Variants in CADM2 observed in about 807,000 individuals in gnomAD.
CADM2 encodes the protein cell adhesion molecule 2.
CADM2 carries 12 observed loss-of-function variants against 49.8 expected under a neutral mutation model. That is an observed-to-expected ratio of 0.24 (90% CI 0.15 to 0.39). CADM2 has a LOEUF of 0.39. Ranked by LOEUF, CADM2 falls within the 10% of genes least tolerant of loss-of-function variation. The pLI is 1.00. For missense variants in CADM2, 378 were observed against 492.3 expected, an observed-to-expected ratio of 0.77 and a Z score of 2.20; for synonymous variants, 214 against 175.4, an observed-to-expected ratio of 1.22 and a Z score of -1.74.
At chr3:86,000,761 G>T (rs367742500) in intron 8 of CADM2, among the ~76,000 whole-genome samples, 1 of 151,946 alleles carries the variant, frequency 6.6e-6, no homozygotes, top group Non-Finnish European at 1.5e-5. Context: ...TCACAAAAAT[G>T]ATATGAAAAT....
At chr3:85,794,575 C>T (rs2071514423) in intron 2 of CADM2, among the ~76,000 whole-genome samples, 1 of 151,868 alleles carries the variant, frequency 6.6e-6, no homozygotes, top group Admixed American at 6.6e-5. Context: ...TCTAAGATTC[C>T]CAACTGAAAG....
intron 3 of CADM2, among the ~76,000 whole-genome samples, chr3:85,842,699 C>T (rs1208489077): frequency 1.3e-5 from 2 of 152,032 alleles, no homozygotes; most frequent in African/African-American, 4.8e-5. Flanking sequence ...GAGAGGGTGT[C>T]CCCTATATTT....
chr3:85,364,380 G>C (rs2032589723), intron 1 of CADM2, among the ~76,000 whole-genome samples: 1 of 152,096 alleles, frequency 6.6e-6, no homozygotes, highest in Non-Finnish European at 1.5e-5. Context: ...TGTTATATTT[G>C]AAGGTGAAAG....
At chr3:84,977,450 C>A (rs1221660449) in intron 1 of CADM2, among the ~76,000 whole-genome samples, 1 of 151,992 alleles carries the variant, frequency 6.6e-6, no homozygotes, top group Non-Finnish European at 1.5e-5. Context: ...TATCTTACCA[C>A]AAACTTAATA....
intron 1 of CADM2, among the ~76,000 whole-genome samples, chr3:85,223,713 C>T (rs1050686458): frequency 1.3e-5 from 2 of 152,036 alleles, no homozygotes; most frequent in Non-Finnish European, 2.9e-5. Context: ...ATCAACTCGT[C>T]ACTTACCTTA....
chr3:86,050,621 G>A (rs1167089661), intron 8 of CADM2, among the ~76,000 whole-genome samples: 3 of 152,156 alleles, frequency 2.0e-5, no homozygotes, highest in Non-Finnish European at 4.4e-5. Context: ...TACATCCTCT[G>A]GAATCTAGAT....
At chr3:85,396,174 A>G (rs1380838669) in intron 1 of CADM2, among the ~76,000 whole-genome samples, 1 of 151,712 alleles carries the variant, frequency 6.6e-6, no homozygotes, top group Non-Finnish European at 1.5e-5. Flanking sequence ...GAGATTTTAA[A>G]TATTTAACTG....
chr3:85,287,427 T>G (rs1281316204), intron 1 of CADM2, among the ~76,000 whole-genome samples: 1 of 152,182 alleles, frequency 6.6e-6, no homozygotes, highest in Non-Finnish European at 1.5e-5. Context: ...TATGCTATAT[T>G]GCTCAACTTG....
rs531627300 is a variant in CADM2 at position 85,805,225 on chromosome 3, T to G, written c.238+3029T>G. On this transcript the variant is annotated intron_variant, in intron 3 of 9. Transcript: ENST00000383699. ...TCTCAAAGTTCTGGGATTACAGGCA[T>G]GAGCCACCGTGCCGGGCCAGGACTG... Among the ~76,000 whole-genome samples the G allele has an allele frequency of 3.3e-5, 5 of 152,316 alleles. No homozygotes were observed. The East Asian group carries it at 7.7e-4, about 24-fold the overall frequency.
intron 1 of CADM2, among the ~76,000 whole-genome samples, chr3:85,675,757 G>T (rs576006510): frequency 1.2e-4 from 18 of 152,228 alleles, no homozygotes; most frequent in Admixed American, 8.5e-4. Flanking sequence ...ATCATAGAGG[G>T]TGTACTTTTG....
At chr3:85,315,502 TA>T (rs199742417) in intron 1 of CADM2, among the ~76,000 whole-genome samples, 1 of 152,052 alleles carries the variant, frequency 6.6e-6, no homozygotes, top group African/African-American at 2.4e-5. Context: ...GGTTTAAGCA[TA>T]AAAAAAACTG....
chr3:85,296,404 A>G (rs1353590257), intron 1 of CADM2, among the ~76,000 whole-genome samples: 1 of 151,172 alleles, frequency 6.6e-6, no homozygotes. Flanking sequence ...TTGTGTTCAT[A>G]TCATAACTAA....
intron 1 of CADM2, among the ~76,000 whole-genome samples, chr3:85,330,793 CAAAA>C (rs71617938): frequency 1.8e-5 from 2 of 113,042 alleles, no homozygotes; most frequent in African/African-American, 3.4e-5. Flanking sequence ...TCCATCTCTC[CAAAA>C]AAAAAAAAAA....
intron 1 of CADM2, among the ~76,000 whole-genome samples, chr3:85,639,951 T>C (rs1394765786): frequency 6.6e-6 from 1 of 152,202 alleles, no homozygotes; most frequent in Non-Finnish European, 1.5e-5. Context: ...ATCTTTGACA[T>C]ACAATAGAAA....
intron 3 of CADM2, among the ~76,000 whole-genome samples, chr3:85,864,268 A>G (rs1163357520): frequency 6.6e-6 from 1 of 152,214 alleles, no homozygotes; most frequent in Non-Finnish European, 1.5e-5. Context: ...TTCTGTAATT[A>G]TAAACACCTT....
intron 1 of CADM2, among the ~76,000 whole-genome samples, chr3:85,487,097 A>G (rs929137989): frequency 6.6e-6 from 1 of 152,178 alleles, no homozygotes; most frequent in Non-Finnish European, 1.5e-5. Flanking sequence ...TTCCCCCAAT[A>G]CTTAGCTTAA....
intron 1 of CADM2, among the ~76,000 whole-genome samples, chr3:85,676,758 A>G (rs1292751493): frequency 1.3e-5 from 2 of 151,996 alleles, no homozygotes; most frequent in African/African-American, 4.8e-5. Flanking sequence ...TTTTGTATAC[A>G]AGCATCTTAT....
At chr3:85,601,130 GTATA>G (rs375011644) in intron 1 of CADM2, among the ~76,000 whole-genome samples, 3,551 of 109,224 alleles carry the variant, frequency 0.033, 116 homozygotes, top group African/African-American at 0.065. Context: ...ATATATGTGT[GTATA>G]TATATATATA....
chr3:85,647,247 C>T (rs1196445262), intron 1 of CADM2, among the ~76,000 whole-genome samples: 10 of 151,576 alleles, frequency 6.6e-5, no homozygotes, highest in Admixed American at 6.6e-4. Flanking sequence ...TACCACATAG[C>T]CATGGTATAT....
Sources: gnomAD v4.1 joint callset for allele counts (sites outside exome capture counted in the v4.1 genomes callset) on GRCh38, gnomAD v4.1.1 for gene constraint, MANE v1.5 for transcripts, NCBI Gene and HGNC (gene_info 2026-07-23, HGNC 2026-07-21) for gene names.